Variants in EBF3 observed in about 807,000 individuals in gnomAD.
EBF3 encodes the protein EBF transcription factor 3.
EBF3 carries 18 observed loss-of-function variants against 77.1 expected under a neutral mutation model. That is an observed-to-expected ratio of 0.23 (90% CI 0.16 to 0.35). EBF3 has a LOEUF of 0.35. Among genes scored for constraint, EBF3 ranks in the 10% least tolerant of loss-of-function variants. The pLI is 1.00. For missense variants in EBF3, 558 were observed against 860.0 expected (o/e 0.65, Z 4.39); for synonymous variants, 350 against 343.5 (o/e 1.02, Z -0.21).
rs748621870 is a variant in EBF3, at chr10:129,840,820, C to T, written c.1561+24G>A. The T allele has an allele frequency of 1.4e-5, 23 of 1,603,474 alleles. 1 individual carries two copies. Among genetic ancestry groups the T allele is most frequent in the South Asian group, 2.2e-5 (2 of 89,886 alleles). ...TAGTGAATATGAATCTGCGTGATGA[C>T]GTGTGACAAAAACAGACACTTACTG... On this transcript the variant is annotated intron_variant, in intron 14 of 16. Coordinates refer to ENST00000440978, the MANE Select transcript of EBF3 (RefSeq NM_001375380.1).
chr10:129,871,004 G>A (rs1852368294), intron 8 of EBF3, among the ~76,000 whole-genome samples: 1 of 152,162 alleles, frequency 6.6e-6, no homozygotes, highest in African/African-American at 2.4e-5. Context: ...TTGTGCTTGG[G>A]ATGTCCAGAT....
intron 10 of EBF3, among the ~76,000 whole-genome samples, chr10:129,852,080 A>C (rs1214751844): frequency 6.6e-6 from 1 of 152,206 alleles, no homozygotes; most frequent in African/African-American, 2.4e-5. Flanking sequence ...GCAGCCTGTG[A>C]AAGGCCAGAT....
chr10:129,933,334 G>A (rs1278061151), intron 6 of EBF3, among the ~76,000 whole-genome samples: 4 of 152,244 alleles, frequency 2.6e-5, no homozygotes, highest in Non-Finnish European at 4.4e-5. Context: ...GGTAAGGGGA[G>A]CTAATTTGGC....
At chr10:129,917,651 C>CAAAAA (rs71481019) in intron 6 of EBF3, among the ~76,000 whole-genome samples, 2,107 of 23,578 alleles carry the variant, frequency 0.089, 535 homozygotes, top group East Asian at 0.17. Context: ...GACCCTGCCT[C>CAAAAA]AAAAAAAAAA....
chr10:129,837,539 A>G lies in EBF3; in HGVS notation c.*404T>C, dbSNP rs1849685503. ...TGAGTACAGAAAAATGTTTGGAGGCATTTTTCATCAGCGTTTCATGATCAT... is the reference window on the plus strand; with the variant it reads ...TGAGTACAGAAAAATGTTTGGAGGCGTTTTTCATCAGCGTTTCATGATCAT... On this transcript the variant is annotated 3_prime_UTR_variant, in exon 17 of 17. Transcript: ENST00000440978. 4 of 196,500 alleles carry G rather than the reference A, an allele frequency of 2.0e-5. 1 individual carries two copies. The South Asian group carries it at 4.0e-4, about 20-fold the overall frequency. 12.2% of individuals were successfully genotyped at this position (196,500 alleles called of 1,614,324 possible).
chr10:129,874,649 C>A lies in EBF3; in HGVS notation c.637-1053G>T, dbSNP rs545994162. ...GACCTGAAGGAAGGGTGGCTCTCTG[C>A]CACAGTTTGGGCACACTCGGCCATG... On this transcript the variant is annotated intron_variant, in intron 7 of 16. Coordinates refer to ENST00000440978, the MANE Select transcript of EBF3 (RefSeq NM_001375380.1). Among the ~76,000 whole-genome samples the A allele has an allele frequency of 2.0e-5, 3 of 152,306 alleles. No homozygotes were observed. The South Asian group carries it at 6.2e-4, about 32-fold the overall frequency.
At position 129,963,868 on chromosome 10, in the gene EBF3, C is replaced by T. The variant is rs1859734260; in HGVS notation, c.-100G>A. 4 of 1,276,084 alleles carry T rather than the reference C, an allele frequency of 3.1e-6. No homozygotes were observed. The highest frequency in any genetic ancestry group is 4.0e-6 in the Non-Finnish European group (4 of 1,004,444). The allele number at this position is 1,276,084 out of a possible 1,614,324, so 79.0% of individuals were successfully genotyped here. On this transcript the variant is annotated 5_prime_UTR_variant, in exon 1 of 17. Coordinates refer to ENST00000440978, the MANE Select transcript of EBF3 (RefSeq NM_001375380.1). This position sits in a 1 kb window ranked among gnomAD's most constrained non-coding sequence, Gnocchi z 7.1. ...AGGCGGCTGCCCTGGCCGCCCTCGC[C>T]CTGCTCGGCGCCTGCGGTCCGGCCC...
At chr10:129,869,152 G>T (rs1852237322) in intron 8 of EBF3, among the ~76,000 whole-genome samples, 1 of 152,196 alleles carries the variant, frequency 6.6e-6, no homozygotes, top group Non-Finnish European at 1.5e-5. Flanking sequence ...AGAAGAGGAA[G>T]CCTCTACACT....
At position 129,848,666 on chromosome 10, in the gene EBF3, C is replaced by T. The variant is rs1345235798; in HGVS notation, c.1040-186G>A. Among the ~76,000 whole-genome samples the T allele has an allele frequency of 6.6e-6, 1 of 152,134 alleles. No homozygotes were observed. The highest frequency in any genetic ancestry group is 1.5e-5 in the Non-Finnish European group (1 of 68,028). On this transcript the variant is annotated intron_variant, in intron 10 of 16. Transcript: ENST00000440978. The surrounding 1 kb of genome is among the most constrained non-coding windows in gnomAD (Gnocchi z 4.4). ...CCCTTTCTTTTGCACATAAAAGCAA[C>T]GATTATTTCTGATCTATAATTAGAC...
intron 8 of EBF3, among the ~76,000 whole-genome samples, chr10:129,869,718 A>C (rs1852281598): frequency 6.6e-6 from 1 of 152,112 alleles, no homozygotes. Context: ...GTTTGCTTTA[A>C]TGTTGGACTA....
intron 6 of EBF3, among the ~76,000 whole-genome samples, chr10:129,904,679 G>C (rs1855013006): frequency 6.6e-6 from 1 of 151,968 alleles, no homozygotes; most frequent in African/African-American, 2.4e-5. Context: ...TCTATGGATA[G>C]AACTATATAA....
At chr10:129,867,544 G>C (rs1852109354) in intron 9 of EBF3, among the ~76,000 whole-genome samples, 1 of 152,184 alleles carries the variant, frequency 6.6e-6, no homozygotes. Context: ...CGTAATTCTA[G>C]CACTAATTGT....
In EBF3 at chr10:129,947,438, A is replaced by G. The variant is rs990906625; in HGVS notation, c.554+9820T>C. ...GAAAATTTGTACTTTAATTTATTAA[A>G]CCAAAAAAGCCAACAACTGCACTGA... On this transcript the variant is annotated intron_variant, in intron 6 of 16. Coordinates refer to ENST00000440978, the MANE Select transcript of EBF3 (RefSeq NM_001375380.1). The surrounding 1 kb of genome is among the most constrained non-coding windows in gnomAD (Gnocchi z 4.5). 1.1e-4 allele frequency among the ~76,000 whole-genome samples: 16 copies of G among 152,184 alleles called. No homozygotes were observed. The highest frequency in any genetic ancestry group is 2.2e-4 in the African/African-American group (9 of 41,444).
chr10:129,947,396 T>A lies in EBF3; in HGVS notation c.554+9862A>T, dbSNP rs1052173082. Among the ~76,000 whole-genome samples, 2 of 152,170 alleles carry A rather than the reference T, an allele frequency of 1.3e-5. No homozygotes were observed. Among genetic ancestry groups the A allele is most frequent in the African/African-American group, 4.8e-5 (2 of 41,442 alleles). On this transcript the variant is annotated intron_variant, in intron 6 of 16. Transcript: ENST00000440978. The surrounding 1 kb of genome is among the most constrained non-coding windows in gnomAD (Gnocchi z 4.5). The stretch of plus-strand genomic sequence containing the variant: ...AGCAATGGCTAAAGCTGGCCTAACA[T>A]TTTGTTTGGCAATTAGGAAAATTTG...
chr10:129,867,024 C>A, intron 10 of EBF3, 117 bp downstream of exon 10: 1 of 1,376,866 alleles, frequency 7.3e-7, no homozygotes, highest in Non-Finnish European at 9.5e-7. Context: ...GGGGCTTTGT[C>A]TGTCTTTCCA....
chr10:129,864,777 C>T lies in EBF3; in HGVS notation c.1039+2364G>A, dbSNP rs541848246. Among the ~76,000 whole-genome samples the T allele has an allele frequency of 3.3e-5, 5 of 152,332 alleles. No individual in the cohort carries two copies. In the East Asian group the frequency reaches 7.7e-4, roughly 24 times the overall value. ...CACCCCTGCCATGTGCCCGCCGAAGCTCAGGTGCTGCTCCATGGCTCACAA... is the reference window on the plus strand; with the variant it reads ...CACCCCTGCCATGTGCCCGCCGAAGTTCAGGTGCTGCTCCATGGCTCACAA... On this transcript the variant is annotated intron_variant, in intron 10 of 16. Coordinates refer to ENST00000440978, the MANE Select transcript of EBF3 (RefSeq NM_001375380.1). This position sits in a 1 kb window ranked among gnomAD's most constrained non-coding sequence, Gnocchi z 4.4.
At position 129,867,159 on chromosome 10, in the gene EBF3, C is replaced by T; in HGVS notation, c.1021G>A (p.Gly341Arg). 6.2e-7 allele frequency: 1 copy of T among 1,613,868 alleles called. No homozygotes were observed. Among genetic ancestry groups the T allele is most frequent in the Non-Finnish European group, 8.5e-7 (1 of 1,179,934 alleles). ...KSKQFCKGAP[G>R]RFVYTALNEP... Reference sequence around the variant, plus strand: ...AACTCACCGGTGTAGACAAAGCGCCCAGGAGCACCTTTGCAGAACTGCTTG... The same window carrying T: ...AACTCACCGGTGTAGACAAAGCGCCTAGGAGCACCTTTGCAGAACTGCTTG... Residue 341 changes from glycine (G) to arginine (R), a missense_variant, in exon 10 of 17, where the codon GGG becomes AGG. Physicochemically the swap from Gly to Arg is moderately radical, Grantham distance 125. This residue lies in a region of EBF3 where 112 missense variants were observed against 207.7 expected (regional missense o/e 0.54). Transcript: ENST00000440978.
rs1005276068 is a variant in EBF3, at chr10:129,885,896, C to G, written c.555-8047G>C. 7.2e-5 allele frequency among the ~76,000 whole-genome samples: 11 copies of G among 152,176 alleles called. No homozygotes were observed. The highest frequency in any genetic ancestry group is 2.7e-4 in the African/African-American group (11 of 41,434). ...GCTTATCCCAACTTAGGGTTTCAAG[C>G]CTCTCCCACCATACGCGTGTGTGTT... On this transcript the variant is annotated intron_variant, in intron 6 of 16. Transcript: ENST00000440978. This position sits in a 1 kb window ranked among gnomAD's most constrained non-coding sequence, Gnocchi z 4.0.
At chr10:129,839,269 T>A in intron 15 of EBF3, 74 bp from the exon 16 acceptor site, 1 of 697,680 alleles carries the variant, frequency 1.4e-6, no homozygotes, top group East Asian at 6.6e-5. Context: ...TGGATTTGAG[T>A]CACTGGGAGG....
Sources: allele counts gnomAD v4.1 joint callset (sites outside exome capture counted in the v4.1 genomes callset), GRCh38; gene constraint gnomAD v4.1.1; regional missense constraint gnomAD v4.1.1; non-coding constraint Gnocchi (gnomAD v3.1); transcripts MANE v1.5; gene names NCBI Gene and HGNC (gene_info 2026-07-23, HGNC 2026-07-21).